The following CHN1 variants were observed in gnomAD, a reference collection of about 807,000 sequenced individuals.
CHN1 encodes the protein N-chimaerin.
Under a neutral mutation model 59.5 loss-of-function variants are expected in CHN1, and 37 were observed. That is an observed-to-expected ratio of 0.62 (90% CI 0.48 to 0.82). The LOEUF is 0.82. Among genes scored for constraint, CHN1 ranks in the 40% least tolerant of loss-of-function variants. The probability of loss-of-function intolerance (pLI) is 0.00; values close to 1 mark genes in which losing one functional copy is unlikely to be tolerated. For synonymous variants in CHN1, 206 were observed against 200.4 expected (o/e 1.03, Z -0.24); for missense variants, 469 against 571.0 (o/e 0.82, Z 1.82).
Position 174,853,457 on chromosome 2 carries a change from T to C in CHN1, c.550-6500A>G, listed in dbSNP as rs558860469. On this transcript the variant is annotated intron_variant, in intron 6 of 12. Coordinates refer to ENST00000409900, the MANE Select transcript of CHN1 (RefSeq NM_001822.7). ...AAAGTCAGAAAACAACAGATGCTGA[T>C]GAGGCTGTGGAGAAAAGAGAACACT... Among the ~76,000 whole-genome samples, 4 of 152,242 alleles carry C rather than the reference T, an allele frequency of 2.6e-5. 1 individual carries two copies. The highest frequency in any genetic ancestry group is 9.6e-5 in the African/African-American group (4 of 41,548).
intron 3 of CHN1, among the ~76,000 whole-genome samples, chr2:174,940,785 T>C (rs1400649192): frequency 6.6e-6 from 1 of 152,224 alleles, no homozygotes; most frequent in Non-Finnish European, 1.5e-5. Flanking sequence ...TTTTTCTCTA[T>C]GCAATTAACA....
At chr2:174,855,302 C>T (rs1686867139) in intron 6 of CHN1, among the ~76,000 whole-genome samples, 1 of 152,180 alleles carries the variant, frequency 6.6e-6, no homozygotes. Context: ...AAAAGCACCA[C>T]AGAGGAATGT....
chr2:174,850,247 T>C (rs1686685151), intron 6 of CHN1, among the ~76,000 whole-genome samples: 2 of 152,182 alleles, frequency 1.3e-5, no homozygotes, highest in African/African-American at 4.8e-5. Context: ...TTAAATAGAA[T>C]TAGGCTTTAT....
At position 174,957,454 on chromosome 2, in the gene CHN1, G is replaced by GGA. The variant is rs1045456989; in HGVS notation, c.20-5253_20-5252insTC. 1.8e-4 allele frequency among the ~76,000 whole-genome samples: 24 copies of GGA among 136,326 alleles called. 1 individual carries two copies. Among genetic ancestry groups the GGA allele is most frequent in the Admixed American group, 8.8e-4 (12 of 13,696 alleles). The allele number at this position is 136,326 out of a possible 152,430, so 89.4% of individuals were successfully genotyped here. ...TGCTAGGGTGTGTGTGTTGGGGGGGGGGGCAGTTAATTATATTGAAGTTTG... is the reference window on the plus strand; with the variant it reads ...TGCTAGGGTGTGTGTGTTGGGGGGGGGAGGGCAGTTAATTATATTGAAGTTTG... On this transcript the variant is annotated intron_variant, in intron 1 of 12. Coordinates refer to ENST00000409900, the MANE Select transcript of CHN1 (RefSeq NM_001822.7).
intron 8 of CHN1, among the ~76,000 whole-genome samples, chr2:174,817,457 TCCC>T (rs1685308755): frequency 1.3e-5 from 2 of 150,256 alleles, no homozygotes; most frequent in Admixed American, 1.3e-4. Flanking sequence ...TTTGGAGTCA[TCCC>T]CCAATTTTTT....
In CHN1 at chr2:174,884,167, T is replaced by C. The variant is rs538871463; in HGVS notation, c.261-6039A>G. ...TGTATTTTTTTAGTAGAGACGGGGT[T>C]TCACCATGTTAACCAGGATGGTCTC... is the stretch of plus-strand genomic sequence containing the variant. On this transcript the variant is annotated intron_variant, in intron 5 of 12. Coordinates refer to ENST00000409900, the MANE Select transcript of CHN1 (RefSeq NM_001822.7). Among the ~76,000 whole-genome samples the C allele has an allele frequency of 1.1e-3, 164 of 151,900 alleles. 1 individual carries two copies. Among genetic ancestry groups the C allele is most frequent in the African/African-American group, 3.5e-3 (147 of 41,440 alleles).
intron 5 of CHN1, among the ~76,000 whole-genome samples, chr2:174,887,771 G>A (rs1026146714): frequency 2.6e-5 from 4 of 152,162 alleles, no homozygotes; most frequent in Admixed American, 6.5e-5. Flanking sequence ...GACAAGAGTC[G>A]TAAACGGAAT....
chr2:174,931,906 G>A (rs1260088022), intron 3 of CHN1, among the ~76,000 whole-genome samples: 2 of 152,146 alleles, frequency 1.3e-5, no homozygotes, highest in Non-Finnish European at 2.9e-5. Flanking sequence ...GACTGGTCAG[G>A]CTGAAGCAGA....
intron 1 of CHN1, among the ~76,000 whole-genome samples, chr2:174,963,413 G>A (rs975923205): frequency 3.9e-5 from 6 of 152,128 alleles, no homozygotes; most frequent in South Asian, 2.1e-4. Flanking sequence ...GGTATTATCC[G>A]ACAAGACTCT....
intron 3 of CHN1, among the ~76,000 whole-genome samples, chr2:174,942,185 T>C (rs1159369490): frequency 6.6e-6 from 1 of 152,162 alleles, no homozygotes; most frequent in Non-Finnish European, 1.5e-5. Flanking sequence ...AGGAAATCAG[T>C]ATGTCAAAGA....
chr2:175,001,071 C>T (rs1691874028), intron 1 of CHN1, among the ~76,000 whole-genome samples: 1 of 152,170 alleles, frequency 6.6e-6, no homozygotes, highest in Non-Finnish European at 1.5e-5. Flanking sequence ...GGCACATTGC[C>T]ACCATGTCTG....
chr2:174,954,187 TG>T (rs1690114879), intron 1 of CHN1, among the ~76,000 whole-genome samples: 1 of 152,052 alleles, frequency 6.6e-6, no homozygotes, highest in African/African-American at 2.4e-5. Flanking sequence ...AAACATTAAG[TG>T]GGGAAAGGAT....
At chr2:174,867,004 C>G (rs889573691) in intron 6 of CHN1, among the ~76,000 whole-genome samples, 3 of 151,250 alleles carry the variant, frequency 2.0e-5, no homozygotes, top group African/African-American at 4.9e-5. Context: ...TTTTGCAAGA[C>G]TAAACAAAAT....
intron 7 of CHN1, among the ~76,000 whole-genome samples, chr2:174,840,693 G>T (rs909705941): frequency 1.3e-5 from 2 of 152,138 alleles, no homozygotes; most frequent in Non-Finnish European, 2.9e-5. Context: ...TTTTAGGTTA[G>T]AGAATACTGT....
At chr2:174,810,576 C>G (rs1261413815) in intron 10 of CHN1, among the ~76,000 whole-genome samples, 1 of 152,176 alleles carries the variant, frequency 6.6e-6, no homozygotes, top group South Asian at 2.1e-4. Context: ...GATGCTTCTT[C>G]CCATTCAATC....
At chr2:174,830,280 A>G (rs1190937142) in intron 7 of CHN1, among the ~76,000 whole-genome samples, 2 of 152,156 alleles carry the variant, frequency 1.3e-5, no homozygotes, top group Non-Finnish European at 2.9e-5. Context: ...TTACCACTTC[A>G]GTTTAAAGTA....
intron 5 of CHN1, among the ~76,000 whole-genome samples, chr2:174,904,146 C>T (rs1408011198): frequency 6.6e-6 from 1 of 151,766 alleles, no homozygotes; most frequent in East Asian, 2.0e-4. Context: ...GCCTGTAGTC[C>T]CAGCTACTCG....
At chr2:174,895,042 C>G (rs981820851) in intron 5 of CHN1, among the ~76,000 whole-genome samples, 10 of 141,970 alleles carry the variant, frequency 7.0e-5, no homozygotes, top group Admixed American at 1.4e-4. Context: ...TACACACACA[C>G]ACGCGCGCAC....
At chr2:174,943,696 A>G (rs973856771) in intron 3 of CHN1, among the ~76,000 whole-genome samples, 1 of 152,176 alleles carries the variant, frequency 6.6e-6, no homozygotes, top group Non-Finnish European at 1.5e-5. Context: ...TTATTATGAT[A>G]ATAATTATGT....
Sources: gnomAD v4.1 joint callset for allele counts (sites outside exome capture counted in the v4.1 genomes callset) on GRCh38, gnomAD v4.1.1 for gene constraint, MANE v1.5 for transcripts, NCBI Gene and HGNC (gene_info 2026-07-23, HGNC 2026-07-21) for gene names.